SYNE1: variants seen among roughly 807,000 people sequenced by gnomAD.
SYNE1 encodes nesprin-1.
Under a neutral mutation model 1,111.0 loss-of-function variants are expected in SYNE1, and 616 were observed. The ratio of observed to expected loss-of-function variants is 0.55; its 90% CI spans 0.52 to 0.59. The LOEUF (loss-of-function observed/expected upper bound fraction) is 0.59, where lower values mean the gene tolerates loss of function less well. SYNE1 is among the 20% of genes least tolerant of loss of function. The probability of loss-of-function intolerance (pLI) is 0.00; values close to 1 mark genes in which losing one functional copy is unlikely to be tolerated. For synonymous variants in SYNE1, 3,855 were observed against 3,825.8 expected (o/e 1.01, Z -0.28); for missense variants, 10,006 against 10,417.0 (o/e 0.96, Z 1.72).
At chr6:152,231,693 A>G (rs2153515222) in intron 113 of SYNE1, 126 bp from the exon 114 acceptor site, 1 of 1,003,636 alleles carries the variant, frequency 1.0e-6, no homozygotes, top group African/African-American at 1.6e-5. Flanking sequence ...AAATGGCACA[A>G]TTTGTCTGTG....
chr6:152,205,332 T>G (rs1269029105), intron 126 of SYNE1, among the ~76,000 whole-genome samples: 1 of 152,184 alleles, frequency 6.6e-6, no homozygotes, highest in Non-Finnish European at 1.5e-5. Flanking sequence ...ATAATCACTA[T>G]CATTCATTTA....
chr6:152,480,698 C>T (rs934392217), intron 14 of SYNE1: 1 of 451,042 alleles, frequency 2.2e-6, no homozygotes, highest in African/African-American at 2.0e-5. Context: ...ATGAAAAGAT[C>T]ATTCTAATAT....
intron 39 of SYNE1, among the ~76,000 whole-genome samples, chr6:152,420,481 G>A (rs1334651516): frequency 1.3e-5 from 2 of 152,102 alleles, no homozygotes; most frequent in Admixed American, 6.6e-5. Flanking sequence ...TTAGCCAGGT[G>A]TGCTGGTGCA....
chr6:152,311,774 TA>T (rs1268719537), intron 87 of SYNE1, among the ~76,000 whole-genome samples: 2 of 132,398 alleles, frequency 1.5e-5, no homozygotes, highest in African/African-American at 3.0e-5. Flanking sequence ...GGCAATAGAC[TA>T]TTTATTTATT....
At chr6:152,604,851 G>A (rs2099607270) in intron 3 of SYNE1, among the ~76,000 whole-genome samples, 1 of 150,256 alleles carries the variant, frequency 6.7e-6, no homozygotes, top group Admixed American at 6.7e-5. Context: ...CTACTCGGGA[G>A]GCTGAAGTAG....
At chr6:152,442,001 G>A in intron 31 of SYNE1, 74 bp downstream of exon 31, 1 of 1,555,230 alleles carries the variant, frequency 6.4e-7, no homozygotes, top group East Asian at 2.2e-5. Context: ...GGTTCGCCTT[G>A]GTGTTATGAG....
intron 100 of SYNE1, 74 bp from the exon 101 acceptor site, chr6:152,262,262 A>G: frequency 7.4e-7 from 1 of 1,357,300 alleles, no homozygotes; most frequent in African/African-American, 1.4e-5. Context: ...TATTGTGTGT[A>G]CCAGACCTGG....
intron 144 of SYNE1, among the ~76,000 whole-genome samples, chr6:152,131,826 A>C (rs1445240176): frequency 6.6e-6 from 1 of 152,232 alleles, no homozygotes; most frequent in Non-Finnish European, 1.5e-5. Flanking sequence ...GAGCCACCAA[A>C]GGGACAAATG....
At chr6:152,219,299 T>C in intron 119 of SYNE1, 114 bp from the exon 120 acceptor site, 1 of 1,044,276 alleles carries the variant, frequency 9.6e-7, no homozygotes, top group African/African-American at 1.6e-5. Flanking sequence ...GATCATATTA[T>C]TAGGCTAAAT....
chr6:152,580,321 C>T (rs757331554), intron 3 of SYNE1, among the ~76,000 whole-genome samples: 11 of 152,018 alleles, frequency 7.2e-5, no homozygotes, highest in African/African-American at 2.2e-4. Flanking sequence ...CTTATAGAAA[C>T]GTCTGTTCAT....
chr6:152,556,291 C>G (rs1404913521), intron 3 of SYNE1, among the ~76,000 whole-genome samples: 1 of 152,212 alleles, frequency 6.6e-6, no homozygotes, highest in African/African-American at 2.4e-5. Context: ...ATATCACCCC[C>G]TTCCCAAGCC....
chr6:152,428,470 G>A (rs1420248390), intron 36 of SYNE1, 78 bp from the exon 37 acceptor site: 24 of 1,411,420 alleles, frequency 1.7e-5, no homozygotes, highest in Middle Eastern at 4.9e-4. Flanking sequence ...ACCGATCATC[G>A]CAAAATATTT....
chr6:152,285,866 C>T (rs1466688779), intron 95 of SYNE1, among the ~76,000 whole-genome samples: 1 of 152,122 alleles, frequency 6.6e-6, no homozygotes, highest in Non-Finnish European at 1.5e-5. Context: ...TAGATGGAAT[C>T]TTCACAGGAG....
intron 6 of SYNE1, among the ~76,000 whole-genome samples, chr6:152,518,221 A>G (rs563695233): frequency 6.5e-4 from 97 of 150,242 alleles, no homozygotes; most frequent in African/African-American, 2.3e-3. Context: ...GACATACTAG[A>G]TGTGTATACT....
At chr6:152,449,491 T>G (rs781349252) in intron 28 of SYNE1, 42 bp downstream of exon 28, 2 of 1,382,492 alleles carry the variant, frequency 1.4e-6, no homozygotes, top group Non-Finnish European at 2.1e-6. Flanking sequence ...ATTCTTCCAC[T>G]ATGAGAAATT....
At chr6:152,394,252 G>C (rs2097695687) in intron 51 of SYNE1, among the ~76,000 whole-genome samples, 1 of 152,192 alleles carries the variant, frequency 6.6e-6, no homozygotes, top group Non-Finnish European at 1.5e-5. Context: ...TTGGTTCCAA[G>C]TCTTTGCTAT....
At chr6:152,571,764 G>C (rs559197395) in intron 3 of SYNE1, among the ~76,000 whole-genome samples, 1 of 152,290 alleles carries the variant, frequency 6.6e-6, no homozygotes, top group Admixed American at 6.5e-5. Flanking sequence ...TTCCCTGGCA[G>C]AGAAAAGATT....
chr6:152,301,270 G>C (rs1278613598), intron 92 of SYNE1, among the ~76,000 whole-genome samples: 1 of 152,108 alleles, frequency 6.6e-6, no homozygotes, highest in East Asian at 1.9e-4. Context: ...ACACAGCACT[G>C]GGAAACATTA....
At chr6:152,266,748 C>A (rs967073009) in intron 100 of SYNE1, among the ~76,000 whole-genome samples, 1 of 152,092 alleles carries the variant, frequency 6.6e-6, no homozygotes, top group Non-Finnish European at 1.5e-5. Flanking sequence ...TTTTTTGTCA[C>A]AATATATCTG....
Sources: gnomAD v4.1 joint callset for allele counts (sites outside exome capture counted in the v4.1 genomes callset) on GRCh38, gnomAD v4.1.1 for gene constraint, MANE v1.5 for transcripts, NCBI Gene and HGNC (gene_info 2026-07-23, HGNC 2026-07-21) for gene names.